The following FMN1 variants were observed in gnomAD, a reference collection of about 807,000 sequenced individuals.
FMN1 encodes formin 1.
In FMN1, 110 loss-of-function variants were observed where a neutral mutation model predicts 132.4. That is an observed-to-expected ratio of 0.83 (90% CI 0.71 to 0.97). The LOEUF (loss-of-function observed/expected upper bound fraction) is 0.97. FMN1 is among the 50% of genes least tolerant of loss of function. The pLI is 0.00. For missense variants in FMN1, 1,792 were observed against 1,705.3 expected, an observed-to-expected ratio of 1.05 and a Z score of -0.90; for synonymous variants, 722 against 651.7, an observed-to-expected ratio of 1.11 and a Z score of -1.64.
At chr15:33,054,728 TCA>T (rs1249808754) in intron 6 of FMN1, among the ~76,000 whole-genome samples, 1 of 152,188 alleles carries the variant, frequency 6.6e-6, no homozygotes, top group Non-Finnish European at 1.5e-5. Context: ...ATAAAGCCAA[TCA>T]CAGCTTCCGG....
chr15:33,030,217 A>G (rs2035871761), intron 6 of FMN1, among the ~76,000 whole-genome samples: 1 of 152,210 alleles, frequency 6.6e-6, no homozygotes, highest in South Asian at 2.1e-4. Context: ...CAGAATGTAG[A>G]TGCAGATAGT....
At chr15:33,146,705 G>C (rs1964235953) in intron 4 of FMN1, among the ~76,000 whole-genome samples, 1 of 152,082 alleles carries the variant, frequency 6.6e-6, no homozygotes, top group Non-Finnish European at 1.5e-5. Context: ...CATTAGATAT[G>C]GTCTGATTCC....
In FMN1 at chr15:32,781,822, T is replaced by C. The variant is rs528555166; in HGVS notation, c.4131-4903A>G. 8.5e-5 allele frequency among the ~76,000 whole-genome samples: 13 copies of C among 152,306 alleles called. 1 individual carries two copies. The highest frequency in any genetic ancestry group is 1.6e-4 in the Non-Finnish European group (11 of 68,020). ...ACCACACCTAATAACATTGTTGCTA[T>C]AAAAATTAAAGAAAATACTATATGT... On this transcript the variant is annotated intron_variant, in intron 19 of 20. Transcript: ENST00000616417.
intron 15 of FMN1, among the ~76,000 whole-genome samples, chr15:32,891,406 C>T (rs1489558705): frequency 2.0e-5 from 3 of 152,162 alleles, no homozygotes; most frequent in Non-Finnish European, 4.4e-5. Flanking sequence ...CGCCACCACG[C>T]CCAGCTAATT....
In FMN1 at chr15:32,774,677, A is replaced by T. The variant is rs11856032; in HGVS notation, c.4216-323T>A. On this transcript the variant is annotated intron_variant, in intron 20 of 20. Transcript: ENST00000616417. Reference sequence around the variant, plus strand: ...ACAAAGACCCTAACTTTGTAGTGTTACTCAAGGACCCCTTCCGTCCCTACC... The same window carrying T: ...ACAAAGACCCTAACTTTGTAGTGTTTCTCAAGGACCCCTTCCGTCCCTACC... Among the ~76,000 whole-genome samples, 616 of 152,254 alleles carry T rather than the reference A, an allele frequency of 4.0e-3. 2 individuals carry two copies. The highest frequency in any genetic ancestry group is 0.014 in the African/African-American group (592 of 41,548).
chr15:33,087,842 C>T (rs1202234643), intron 5 of FMN1, among the ~76,000 whole-genome samples: 2 of 151,570 alleles, frequency 1.3e-5, no homozygotes, highest in African/African-American at 2.4e-5. Flanking sequence ...CATATACATA[C>T]ACACACATAT....
At chr15:32,777,660 C>CGTATAACATAACACATTTATATATTAT (rs2056485492) in intron 19 of FMN1, among the ~76,000 whole-genome samples, 1 of 136,758 alleles carries the variant, frequency 7.3e-6, no homozygotes, top group Non-Finnish European at 1.5e-5. Flanking sequence ...TTATATATTA[C>CGTATAACATAACACATTTATATATTAT]GTATAACATA....
At chr15:33,068,576 A>T (rs1026643398) in intron 5 of FMN1, among the ~76,000 whole-genome samples, 15 of 152,114 alleles carry the variant, frequency 9.9e-5, no homozygotes, top group African/African-American at 3.6e-4. Flanking sequence ...AAAGCAATAG[A>T]TCATCTCAAA....
intron 7 of FMN1, among the ~76,000 whole-genome samples, chr15:32,988,949 C>A (rs1596408255): frequency 6.6e-6 from 1 of 152,322 alleles, no homozygotes. Context: ...CGCACAACAT[C>A]TGATAAATGC....
In FMN1 at chr15:33,150,344, C is replaced by G. The variant is rs189093472; in HGVS notation, c.1867+2704G>C. On this transcript the variant is annotated intron_variant, in intron 4 of 20. Transcript: ENST00000616417. The stretch of plus-strand genomic sequence containing the variant: ...GGGAACATTCCACATCAGTCTCCAC[C>G]CGCCAAATAAAATACTATAAAACCA... 2.0e-4 allele frequency: 198 copies of G among 985,444 alleles called. 3 individuals carry two copies. In the Admixed American group the frequency reaches 0.012, roughly 60 times the overall value. The allele number at this position is 985,444 out of a possible 1,614,324, so 61.0% of individuals were successfully genotyped here.
chr15:33,179,836 T>C (rs1379911306), intron 3 of FMN1, among the ~76,000 whole-genome samples: 1 of 152,234 alleles, frequency 6.6e-6, no homozygotes, highest in Admixed American at 6.5e-5. Context: ...CTATTTTTAA[T>C]AGGAATAGAA....
In FMN1 at chr15:32,825,916, T is replaced by C. The variant is rs544545533; in HGVS notation, c.3929-21584A>G. Among the ~76,000 whole-genome samples the C allele has an allele frequency of 1.2e-4, 18 of 152,380 alleles. No individual in the cohort carries two copies. In the South Asian group the frequency reaches 3.3e-3, roughly 28 times the overall value. On this transcript the variant is annotated intron_variant, in intron 17 of 20. Coordinates refer to ENST00000616417, the MANE Select transcript of FMN1 (RefSeq NM_001277313.2). ...TTAAGATTAGGTACTCAGTAACCTT[T>C]TCCCCAAATTGTATTAGACCTGACA...
intron 4 of FMN1, among the ~76,000 whole-genome samples, chr15:33,094,972 A>C (rs1431353284): frequency 2.6e-5 from 4 of 152,144 alleles, no homozygotes; most frequent in Non-Finnish European, 5.9e-5. Context: ...GCCTCCGTCT[A>C]CTCCCAGATA....
intron 9 of FMN1, among the ~76,000 whole-genome samples, chr15:32,929,916 T>A (rs2061063291): frequency 6.6e-6 from 1 of 152,036 alleles, no homozygotes; most frequent in South Asian, 2.1e-4. Flanking sequence ...ATACAGTGAC[T>A]TCAATTCTTT....
intron 3 of FMN1, among the ~76,000 whole-genome samples, chr15:33,158,442 A>G (rs1964762706): frequency 6.9e-6 from 1 of 144,876 alleles, no homozygotes; most frequent in African/African-American, 2.4e-5. Context: ...TATAAAAAAA[A>G]AGAAAAAAAA....
intron 6 of FMN1, among the ~76,000 whole-genome samples, chr15:33,016,124 CAAAT>C (rs2140986445): frequency 6.7e-6 from 1 of 149,808 alleles, no homozygotes; most frequent in Non-Finnish European, 1.5e-5. Flanking sequence ...ATTAAAATAA[CAAAT>C]TAAATAATAG....
chr15:33,153,602 CTT>C lies in FMN1; in HGVS notation c.1311_1312del (p.Arg438ThrfsTer43), dbSNP rs1283917520. On this transcript the variant is annotated frameshift_variant, in exon 4 of 21. Coordinates refer to ENST00000616417, the MANE Select transcript of FMN1 (RefSeq NM_001277313.2). LOFTEE classifies it high-confidence loss of function. Reference sequence around the variant, plus strand: ...ACTCGTGTGGACAGGGAAGCCCAGTCTTTTCCCCTCAGGGGCTTCATCTAACT... The same window carrying C: ...ACTCGTGTGGACAGGGAAGCCCAGTCTTCCCCTCAGGGGCTTCATCTAACT... 6.5e-7 allele frequency: 1 copy of C among 1,536,098 alleles called. No homozygotes were observed. Among genetic ancestry groups the C allele is most frequent in the African/African-American group, 1.4e-5 (1 of 73,060 alleles).
Position 33,146,031 on chromosome 15 carries a change from A to C in FMN1, c.1867+7017T>G, listed in dbSNP as rs1964205761. Among the ~76,000 whole-genome samples the C allele has an allele frequency of 2.7e-5, 4 of 147,936 alleles. No homozygotes were observed. The Admixed American group carries it at 2.7e-4, about 10-fold the overall frequency. ...CTCTTTGTCACCCAGGCTGGAGTTC[A>C]GTGGTGCAATCTCGGCTCACTGTAA... On this transcript the variant is annotated intron_variant, in intron 4 of 20. Transcript: ENST00000616417.
intron 9 of FMN1, among the ~76,000 whole-genome samples, chr15:32,952,251 C>T (rs183047741): frequency 6.6e-6 from 1 of 152,278 alleles, no homozygotes; most frequent in Admixed American, 6.5e-5. Flanking sequence ...ACAAAGTATG[C>T]TTTAGGCGTT....
Sources: gnomAD v4.1 joint callset for allele counts (sites outside exome capture counted in the v4.1 genomes callset) on GRCh38, gnomAD v4.1.1 for gene constraint, MANE v1.5 for transcripts, NCBI Gene and HGNC (gene_info 2026-07-23, HGNC 2026-07-21) for gene names.